NDRG2: variants seen among roughly 807,000 people sequenced by gnomAD.
NDRG2 encodes the protein protein NDRG2.
Under a neutral mutation model 58.2 loss-of-function variants are expected in NDRG2, and 34 were observed. That is an observed-to-expected ratio of 0.58 (90% CI 0.44 to 0.78). NDRG2 has a LOEUF of 0.78. NDRG2 is among the 30% of genes least tolerant of loss of function. The pLI is 0.00. For missense variants in NDRG2, 434 were observed against 471.2 expected (o/e 0.92, Z 0.73); for synonymous variants, 187 against 175.9 (o/e 1.06, Z -0.50).
chr14:21,025,246 G>C, upstream of NDRG2: 1 of 850,808 alleles, frequency 1.2e-6, no homozygotes, highest in Non-Finnish European at 1.4e-6. This position sits in a 1 kb window ranked among gnomAD's most constrained non-coding sequence, Gnocchi z 5.1. Flanking sequence ...GGGGCGAGGG[G>C]CGGGCGGCTG....
At chr14:21,025,286 A>C, upstream of NDRG2, 2 of 940,260 alleles carry the variant, frequency 2.1e-6, no homozygotes, top group Non-Finnish European at 2.5e-6. This position sits in a 1 kb window ranked among gnomAD's most constrained non-coding sequence, Gnocchi z 5.1. Context: ...CGGCTCACCA[A>C]AACATTCCAC....
At chr14:21,041,766 C>T (rs1169831176) in intron 1 of NDRG2, among the ~76,000 whole-genome samples, 2 of 152,216 alleles carry the variant, frequency 1.3e-5, no homozygotes. Flanking sequence ...AGCCATGTGG[C>T]CTTGGTTGGT....
intron 1 of NDRG2, 29 bp from the exon 2 acceptor site, chr14:21,023,350 A>G: frequency 6.3e-7 from 1 of 1,589,400 alleles, no homozygotes; most frequent in Non-Finnish European, 8.6e-7. Context: ...GAGACTGGGA[A>G]GTTGTCTCTA....
chr14:21,022,202 C>T lies in NDRG2; in HGVS notation c.224-20G>A. The T allele has an allele frequency of 6.2e-7, 1 of 1,614,170 alleles. No individual in the cohort carries two copies. Among genetic ancestry groups the T allele is most frequent in the Non-Finnish European group, 8.5e-7 (1 of 1,180,044 alleles). On this transcript the variant is annotated intron_variant, in intron 4 of 15. Coordinates refer to ENST00000556147, the MANE Select transcript of NDRG2 (RefSeq NM_001320329.2). ...ATTTATCTAAAGAGAACCCACATCA[C>T]CTCAACAATAGAATCAGACAGGGAC... is the stretch of plus-strand genomic sequence containing the variant.
At chr14:21,033,482 G>A in intron 1 of NDRG2, 1 of 351,126 alleles carries the variant, frequency 2.8e-6, no homozygotes, top group South Asian at 3.1e-5. Flanking sequence ...TGAGGCCCTG[G>A]GCCTCCATCC....
In NDRG2 at chr14:21,017,376, G is replaced by C. The variant is rs926826246; in HGVS notation, c.*220C>G. ...AATGGGGGAGGAGGAGAATTTAGGG[G>C]TCTGGGTCCCTAAGAGATATTAGGA... On this transcript the variant is annotated 3_prime_UTR_variant, in exon 16 of 16. Transcript: ENST00000556147. 10 of 602,874 alleles carry C rather than the reference G, an allele frequency of 1.7e-5. No homozygotes were observed. In the African/African-American group the frequency reaches 1.9e-4, roughly 11 times the overall value. The allele number at this position is 602,874 out of a possible 1,614,324, so 37.3% of individuals were successfully genotyped here.
intron 10 of NDRG2, among the ~76,000 whole-genome samples, chr14:21,019,425 T>C (rs1381074666): frequency 6.6e-6 from 1 of 152,138 alleles, no homozygotes; most frequent in African/African-American, 2.4e-5. Context: ...GGGAGTCCAA[T>C]AATCCAAAGG....
chr14:21,034,344 G>C, intron 1 of NDRG2: 1 of 1,301,166 alleles, frequency 7.7e-7, no homozygotes, highest in Non-Finnish European at 1.1e-6. Context: ...TGAAGTGGCT[G>C]TCTGCCACAT....
At chr14:21,039,274 C>T (rs976135034) in intron 1 of NDRG2, among the ~76,000 whole-genome samples, 4 of 152,216 alleles carry the variant, frequency 2.6e-5, no homozygotes, top group Non-Finnish European at 4.4e-5. Context: ...ACAACACCCG[C>T]CCCAACTTAA....
At chr14:21,037,690 T>C (rs185784160) in intron 1 of NDRG2, among the ~76,000 whole-genome samples, 37 of 152,332 alleles carry the variant, frequency 2.4e-4, no homozygotes, top group Non-Finnish European at 4.1e-4. Context: ...CAGACTTACT[T>C]GTATCTTATG....
intron 6 of NDRG2, 59 bp from the exon 7 acceptor site, chr14:21,020,903 C>T: frequency 6.4e-7 from 1 of 1,566,344 alleles, no homozygotes; most frequent in Non-Finnish European, 8.8e-7. Flanking sequence ...CCTGCCACAG[C>T]CCATCTCTTC....
chr14:21,019,732 G>C lies in NDRG2; in HGVS notation c.623C>G (p.Ser208Cys), dbSNP rs1879020398. ...CTTTTGTATCAACTCAGAATTTCCA[G>C]AGAGCTCTTCCTGAAGGAGAGAACA... ...LGHLFSQEEL[S>C]GNSELIQKYR... Residue 208 changes from serine to cysteine, a missense_variant, in exon 10 of 16, where the codon TCT (serine) becomes TGT (cysteine). By Grantham distance (112) the Ser-to-Cys change is moderately radical. Transcript: ENST00000556147. 6.2e-7 allele frequency: 1 copy of C among 1,611,462 alleles called. No individual in the cohort carries two copies.
chr14:21,049,429 A>G (rs1594507212), intron 1 of NDRG2, among the ~76,000 whole-genome samples: 1 of 152,326 alleles, frequency 6.6e-6, no homozygotes, highest in Middle Eastern at 3.4e-3. Flanking sequence ...GAACTTACAC[A>G]TTTAAAACAT....
intron 1 of NDRG2, chr14:21,032,215 G>T: frequency 5.3e-6 from 5 of 934,796 alleles, no homozygotes; most frequent in Non-Finnish European, 6.8e-6. Flanking sequence ...CTAGTGTAGA[G>T]AGAGGGAGAA....
At chr14:21,031,559 G>C (rs575079613) in intron 1 of NDRG2, among the ~76,000 whole-genome samples, 1 of 152,134 alleles carries the variant, frequency 6.6e-6, no homozygotes, top group Non-Finnish European at 1.5e-5. Context: ...TGAACTAAAA[G>C]CTCTTTCTAC....
chr14:21,061,953 A>T (rs913888008), intron 1 of NDRG2, among the ~76,000 whole-genome samples: 13 of 152,348 alleles, frequency 8.5e-5, no homozygotes, highest in Middle Eastern at 3.4e-3. Flanking sequence ...CTTTATAAGG[A>T]CATGGAATAT....
chr14:21,057,772 C>T (rs963028387), intron 1 of NDRG2: 5 of 810,302 alleles, frequency 6.2e-6, no homozygotes, highest in South Asian at 1.8e-5. Flanking sequence ...TTAGGCTGCA[C>T]ATTGCCCTGC....
At chr14:21,059,108 T>C (rs1885818106) in intron 1 of NDRG2, among the ~76,000 whole-genome samples, 1 of 152,196 alleles carries the variant, frequency 6.6e-6, no homozygotes, top group African/African-American at 2.4e-5. Flanking sequence ...GGCTGAGCCC[T>C]GGGATGCCAG....
In NDRG2 at chr14:21,017,377, T is replaced by G. The variant is rs1877317119; in HGVS notation, c.*219A>C. ...ATGGGGGAGGAGGAGAATTTAGGGGTCTGGGTCCCTAAGAGATATTAGGAC... is the reference window on the plus strand; with the variant it reads ...ATGGGGGAGGAGGAGAATTTAGGGGGCTGGGTCCCTAAGAGATATTAGGAC... On this transcript the variant is annotated 3_prime_UTR_variant, in exon 16 of 16. Coordinates refer to ENST00000556147, the MANE Select transcript of NDRG2 (RefSeq NM_001320329.2). The G allele has an allele frequency of 1.7e-6, 1 of 602,166 alleles. No individual in the cohort carries two copies. The highest frequency in any genetic ancestry group is 2.0e-5 in the South Asian group (1 of 49,052). The allele number at this position is 602,166 out of a possible 1,614,324, so 37.3% of individuals were successfully genotyped here. A position where few individuals can be genotyped will look rare whatever the true frequency, so the allele number is the denominator to read the frequency against.
Sources: gnomAD v4.1 joint callset for allele counts (sites outside exome capture counted in the v4.1 genomes callset) on GRCh38, gnomAD v4.1.1 for gene constraint, Gnocchi (gnomAD v3.1) non-coding constraint, MANE v1.5 for transcripts, NCBI Gene and HGNC (gene_info 2026-07-23, HGNC 2026-07-21) for gene names.